The following BNC2 variants were observed in gnomAD, a reference collection of about 807,000 sequenced individuals.
BNC2 encodes the protein basonuclin zinc finger protein 2, also known as zinc finger protein basonuclin-2.
A neutral mutation model predicts 76.3 loss-of-function variants in BNC2; 20 were observed. The ratio of observed to expected loss-of-function variants is 0.26; its 90% confidence interval spans 0.18 to 0.38. BNC2 has a LOEUF of 0.38. BNC2 is among the 10% of genes least tolerant of loss of function. BNC2 has a pLI of 1.00. For missense variants in BNC2, 1,382 were observed against 1,399.8 expected (o/e 0.99, Z 0.20); for synonymous variants, 582 against 514.8 (o/e 1.13, Z -1.77).
At chr9:16,735,370 C>T (rs1015810491) in intron 2 of BNC2, among the ~76,000 whole-genome samples, 2 of 146,896 alleles carry the variant, frequency 1.4e-5, no homozygotes, top group African/African-American at 5.1e-5. Flanking sequence ...AGGAAAGAAC[C>T]AGTGATGGCT....
At chr9:16,780,155 G>C (rs1407546147) in intron 1 of BNC2, among the ~76,000 whole-genome samples, 2 of 138,176 alleles carry the variant, frequency 1.4e-5, no homozygotes, top group Non-Finnish European at 3.1e-5. Context: ...AGAATGGCGC[G>C]AACCTGGGAG....
chr9:16,841,206 T>C lies in BNC2; in HGVS notation c.3+29440A>G, dbSNP rs147702039. Among the ~76,000 whole-genome samples, 492 of 152,284 alleles carry C rather than the reference T, an allele frequency of 3.2e-3. 2 individuals carry two copies. The highest frequency in any genetic ancestry group is 0.01 in the African/African-American group (429 of 41,570). ...TTTTGTTTGTCAGGCACTGTGCTGA[T>C]CCTTACCCAAACTATGTCTTATTGA... On this transcript the variant is annotated intron_variant, in intron 1 of 6. Transcript: ENST00000380672.
chr9:16,732,565 G>C (rs1824548562), intron 2 of BNC2, among the ~76,000 whole-genome samples: 1 of 152,176 alleles, frequency 6.6e-6, no homozygotes, highest in Admixed American at 6.5e-5. Context: ...TAGAACTTCT[G>C]CTGGTTCACA....
intron 5 of BNC2, among the ~76,000 whole-genome samples, chr9:16,480,487 C>G (rs1411097601): frequency 1.3e-5 from 2 of 152,308 alleles, no homozygotes; most frequent in East Asian, 3.9e-4. Context: ...CCGGCTCCCT[C>G]GGCTTGCAGG....
intron 1 of BNC2, among the ~76,000 whole-genome samples, chr9:16,839,880 G>GCA (rs1818788416): frequency 6.6e-6 from 1 of 152,280 alleles, no homozygotes; most frequent in Admixed American, 6.5e-5. Context: ...ATGCCTGCAA[G>GCA]CACACACCCA....
At chr9:16,516,557 AAG>A (rs1817449830) in intron 5 of BNC2, among the ~76,000 whole-genome samples, 1 of 151,982 alleles carries the variant, frequency 6.6e-6, no homozygotes, top group South Asian at 2.1e-4. Context: ...TGAGAACTCA[AAG>A]AGTCTTTATT....
chr9:16,412,327 A>G lies in BNC2; in HGVS notation c.*6662T>C, dbSNP rs1820478976. 1.3e-5 allele frequency: 2 copies of G among 152,618 alleles called. No individual in the cohort carries two copies. Among genetic ancestry groups the G allele is most frequent in the South Asian group, 4.1e-4 (2 of 4,832 alleles). 9.5% of individuals were successfully genotyped at this position (152,618 alleles called of 1,614,324 possible). A position where few individuals can be genotyped will look rare whatever the true frequency, so the allele number is the denominator to read the frequency against. On this transcript the variant is annotated 3_prime_UTR_variant, in exon 7 of 7. Transcript: ENST00000380672. ...ACGTCCATGGTTTGATGCCAAGGATAAGAAAAAAAAATGACCACTGTGCGT... is the reference window on the plus strand; with the variant it reads ...ACGTCCATGGTTTGATGCCAAGGATGAGAAAAAAAAATGACCACTGTGCGT...
intron 4 of BNC2, chr9:16,579,920 C>T: frequency 2.5e-6 from 1 of 394,344 alleles, no homozygotes; most frequent in Non-Finnish European, 4.5e-6. Flanking sequence ...TTTTTATTGA[C>T]ATAATGACAG....
intron 1 of BNC2, among the ~76,000 whole-genome samples, chr9:16,753,077 CTG>C (rs1447140918): frequency 1.3e-5 from 2 of 152,156 alleles, no homozygotes; most frequent in East Asian, 3.8e-4. Context: ...TGACCTGAAA[CTG>C]TGTATTTTAA....
chr9:16,576,183 T>C (rs1819480492), intron 4 of BNC2, among the ~76,000 whole-genome samples: 1 of 152,082 alleles, frequency 6.6e-6, no homozygotes, highest in Non-Finnish European at 1.5e-5. Context: ...CGAAAGAAAA[T>C]GTTGTTTTCG....
intron 1 of BNC2, among the ~76,000 whole-genome samples, chr9:16,816,591 A>G (rs963729399): frequency 6.6e-6 from 1 of 152,248 alleles, no homozygotes; most frequent in African/African-American, 2.4e-5. Context: ...GGTGAAATAA[A>G]TGGCAAATCT....
At chr9:16,540,233 A>T (rs1475353794) in intron 5 of BNC2, among the ~76,000 whole-genome samples, 3 of 151,148 alleles carry the variant, frequency 2.0e-5, no homozygotes, top group Non-Finnish European at 4.4e-5. Context: ...AAATTCTCAA[A>T]CTTGCAAAAG....
At chr9:16,614,363 G>C (rs1820636194) in intron 3 of BNC2, among the ~76,000 whole-genome samples, 1 of 151,794 alleles carries the variant, frequency 6.6e-6, no homozygotes, top group Non-Finnish European at 1.5e-5. Flanking sequence ...CACAGAGTTA[G>C]CAATCAACAC....
At chr9:16,783,693 T>C (rs1383178788) in intron 1 of BNC2, among the ~76,000 whole-genome samples, 1 of 152,188 alleles carries the variant, frequency 6.6e-6, no homozygotes, top group Non-Finnish European at 1.5e-5. Flanking sequence ...AAAAATTAAT[T>C]CACAAATTAA....
chr9:16,865,241 G>A (rs1819516957), intron 1 of BNC2, among the ~76,000 whole-genome samples: 1 of 151,970 alleles, frequency 6.6e-6, no homozygotes, highest in South Asian at 2.1e-4. Context: ...TATCTAGAAG[G>A]CTGGCTTGAT....
intron 5 of BNC2, among the ~76,000 whole-genome samples, chr9:16,519,739 AT>A (rs1033119325): frequency 6.6e-6 from 1 of 152,212 alleles, no homozygotes; most frequent in African/African-American, 2.4e-5. Context: ...AGACATTATC[AT>A]TTCTATTTCA....
intron 4 of BNC2, among the ~76,000 whole-genome samples, chr9:16,564,329 A>G (rs1819104983): frequency 6.6e-6 from 1 of 152,222 alleles, no homozygotes; most frequent in South Asian, 2.1e-4. Context: ...TCTTAATGTA[A>G]GGAGAAAGGA....
chr9:16,811,552 C>CAAAAAA (rs1179927173), intron 1 of BNC2, among the ~76,000 whole-genome samples: 13 of 58,002 alleles, frequency 2.2e-4, no homozygotes, highest in South Asian at 8.5e-4. Flanking sequence ...AACTCCATCT[C>CAAAAAA]AAAAAAAAAA....
chr9:16,774,281 C>T (rs1825906146), intron 1 of BNC2, among the ~76,000 whole-genome samples: 1 of 152,176 alleles, frequency 6.6e-6, no homozygotes, highest in Admixed American at 6.5e-5. Flanking sequence ...CCGTGTCCGG[C>T]CTAAATTGCC....
Sources: allele counts gnomAD v4.1 joint callset (sites outside exome capture counted in the v4.1 genomes callset), GRCh38; gene constraint gnomAD v4.1.1; transcripts MANE v1.5; gene names NCBI Gene and HGNC (gene_info 2026-07-23, HGNC 2026-07-21).